Variants in SEC31B observed in about 807,000 individuals in gnomAD.
SEC31B encodes the protein protein transport protein Sec31B.
SEC31B carries 113 observed loss-of-function variants against 135.0 expected under a neutral mutation model. The observed-to-expected ratio is 0.84, with a 90% CI of 0.72 to 0.98. SEC31B has a LOEUF of 0.98. Among genes scored for constraint, SEC31B ranks in the 50% least tolerant of loss-of-function variants. The pLI, the probability that SEC31B is intolerant of heterozygous loss-of-function variation, is 0.00. For synonymous variants in SEC31B, 508 were observed against 549.4 expected (o/e 0.92, Z 1.05); for missense variants, 1,296 against 1,421.1 (o/e 0.91, Z 1.42).
rs796238046 is a variant in SEC31B, at chr10:100,508,607, AC to A, written c.495+399del. On this transcript the variant is annotated intron_variant, in intron 5 of 25. Transcript: ENST00000370345. ...GCCACATACAGGGAGAACAAAGCTG[AC>A]CCCCCCCTCCATAAAAAGGACAATG... 86 of 415,908 alleles carry A rather than the reference AC, an allele frequency of 2.1e-4. 1 individual carries two copies. Among genetic ancestry groups the A allele is most frequent in the Admixed American group, 1.0e-3 (32 of 31,972 alleles). The allele number at this position is 415,908 out of a possible 1,614,324, so 25.8% of individuals were successfully genotyped here.
chr10:100,499,592 A>C lies in SEC31B; in HGVS notation c.1417T>G (p.Leu473Val). The change falls in exon 12 of 26, where the codon TTA becomes GTA. Residue 473 changes from leucine to valine, a missense_variant. Leu to Val is a conservative substitution (Grantham distance 32, BLOSUM62 1). Transcript: ENST00000370345. ...KMLWQFLKVT[L>V]EQDSRMKFLK... ...AATTTCATTCTGGAGTCTTGCTCTA[A>C]GGTCACCTAAGAAACCACAGAACAC... is the stretch of plus-strand genomic sequence containing the variant. 6.2e-7 allele frequency: 1 copy of C among 1,607,050 alleles called. No individual in the cohort carries two copies. The highest frequency in any genetic ancestry group is 1.1e-5 in the South Asian group (1 of 89,778).
At chr10:100,497,907 G>A in intron 15 of SEC31B, 114 bp from the exon 16 acceptor site, 1 of 1,585,126 alleles carries the variant, frequency 6.3e-7, no homozygotes, top group South Asian at 1.1e-5. Flanking sequence ...ATGAGGTGGG[G>A]GTGGTTAGAG....
intron 10 of SEC31B, 88 bp downstream of exon 10, chr10:100,505,273 A>G (rs1306032149): frequency 1.0e-5 from 16 of 1,536,068 alleles, no homozygotes; most frequent in Non-Finnish European, 1.4e-5. Flanking sequence ...ACTTAGCTCC[A>G]TGCTGGGCAC....
intron 13 of SEC31B, 87 bp from the exon 14 acceptor site, chr10:100,498,891 T>C: frequency 9.4e-7 from 1 of 1,065,016 alleles, no homozygotes; most frequent in Non-Finnish European, 1.4e-6. Context: ...AGCTCTACTA[T>C]TTGGCCGTTA....
At position 100,509,315 on chromosome 10, in the gene SEC31B, C is replaced by A. The variant is rs3763694; in HGVS notation, c.399+1G>T. 150 of 1,612,660 alleles carry A rather than the reference C, an allele frequency of 9.3e-5. No individual in the cohort carries two copies. The East Asian group carries it at 3.1e-3, about 33-fold the overall frequency. Reference sequence around the variant, plus strand: ...ATGTTTGACTAACTGAAATGTAGTACCTGGAAAGGATTCAAGTCGAGGGCT... The same window carrying A: ...ATGTTTGACTAACTGAAATGTAGTAACTGGAAAGGATTCAAGTCGAGGGCT... On this transcript the variant is annotated splice_donor_variant, in intron 4 of 25. Transcript: ENST00000370345. LOFTEE classifies it high-confidence loss of function.
At chr10:100,489,008 G>GTT in intron 23 of SEC31B, 34 bp from the exon 24 acceptor site, 1 of 1,572,000 alleles carries the variant, frequency 6.4e-7, no homozygotes, top group Non-Finnish European at 8.6e-7. Context: ...AAGGCCAGAG[G>GTT]GGCAAGCTGT....
chr10:100,496,593 A>T (rs1412617884), intron 17 of SEC31B, among the ~76,000 whole-genome samples, 162 bp from the exon 18 acceptor site: 1 of 152,246 alleles, frequency 6.6e-6, no homozygotes, highest in African/African-American at 2.4e-5. Flanking sequence ...ACTGTGACAG[A>T]GAAGGGCCAC....
At chr10:100,493,655 G>C (rs1489092139) in intron 19 of SEC31B, among the ~76,000 whole-genome samples, 5 of 152,192 alleles carry the variant, frequency 3.3e-5, no homozygotes, top group African/African-American at 4.8e-5. Flanking sequence ...GAGTCTTGTG[G>C]TGATGGTAAA....
chr10:100,497,533 G>A (rs1332768638), intron 16 of SEC31B, 134 bp downstream of exon 16: 4 of 1,545,188 alleles, frequency 2.6e-6, no homozygotes, highest in South Asian at 1.3e-5. Context: ...TCCTGGCTGA[G>A]CCAGATTCTA....
At chr10:100,488,779 A>C in intron 24 of SEC31B, 79 bp downstream of exon 24, 21 of 1,483,698 alleles carry the variant, frequency 1.4e-5, no homozygotes, top group Non-Finnish European at 1.9e-5. Flanking sequence ...GAGTCACACA[A>C]GGAACTGGTC....
At position 100,497,215 on chromosome 10, in the gene SEC31B, AAC is replaced by A; in HGVS notation, c.2054_2055del (p.Cys685LeufsTer37). The stretch of plus-strand genomic sequence containing the variant: ...CGCTCCACACTCCCTGAGCACACAT[AAC>A]AGAGTCTGGCTTCGGAGGTTAGTGC... ...SRALTSEARL[C>X]YVCSGSVERL... On this transcript the variant is annotated frameshift_variant, in exon 17 of 26. Coordinates refer to ENST00000370345, the MANE Select transcript of SEC31B (RefSeq NM_015490.4). LOFTEE classifies it high-confidence loss of function. The A allele has an allele frequency of 6.2e-7, 1 of 1,614,192 alleles. No homozygotes were observed. The highest frequency in any genetic ancestry group is 8.5e-7 in the Non-Finnish European group (1 of 1,180,028).
chr10:100,509,177 A>T, intron 4 of SEC31B, 75 bp from the exon 5 acceptor site: 1 of 1,541,952 alleles, frequency 6.5e-7, no homozygotes, highest in Non-Finnish European at 8.9e-7. Context: ...AAGAAGCCCA[A>T]ATTTGGGGCT....
rs1160538315 is a variant in SEC31B at position 100,487,513 on chromosome 10, G to A, written c.*103C>T. ...ATCACATACCTGGCAGCAAGGAAAA[G>A]AGTCGGGAAAAAGAAACAGAATCTG... On this transcript the variant is annotated 3_prime_UTR_variant, in exon 26 of 26. Transcript: ENST00000370345. 8.8e-7 allele frequency: 1 copy of A among 1,138,530 alleles called. No individual in the cohort carries two copies. Among genetic ancestry groups the A allele is most frequent in the African/African-American group, 1.6e-5 (1 of 64,464 alleles). 70.5% of individuals were successfully genotyped at this position (1,138,530 alleles called of 1,614,324 possible).
chr10:100,510,884 C>A (rs201889966), intron 3 of SEC31B, among the ~76,000 whole-genome samples: 4 of 152,228 alleles, frequency 2.6e-5, no homozygotes, highest in South Asian at 4.1e-4. Flanking sequence ...TCCATACAGG[C>A]TGAAGAGGCT....
intron 24 of SEC31B, 120 bp downstream of exon 24, chr10:100,488,738 A>G (rs1433952420): frequency 7.5e-6 from 10 of 1,334,456 alleles, no homozygotes; most frequent in Non-Finnish European, 1.0e-5. Context: ...AGTACAAGAT[A>G]GAGACAGCAT....
At chr10:100,499,811 A>G (rs2273695) in intron 11 of SEC31B, among the ~76,000 whole-genome samples, 31,518 of 152,186 alleles carry the variant, frequency 0.21, 3,391 homozygotes, top group South Asian at 0.23. Flanking sequence ...TGCCCTTTGC[A>G]CATGAGAATT....
chr10:100,487,352 T>C lies in SEC31B; in HGVS notation c.*264A>G. ...TATCCTGCCCCAGGTCCTTACAGAG[T>C]GTAGTATTAGGGAGAGTGAAGAACT... On this transcript the variant is annotated 3_prime_UTR_variant, in exon 26 of 26. Coordinates refer to ENST00000370345, the MANE Select transcript of SEC31B (RefSeq NM_015490.4). 1 of 452,332 alleles carries C rather than the reference T, an allele frequency of 2.2e-6. No homozygotes were observed. The highest frequency in any genetic ancestry group is 4.0e-6 in the Non-Finnish European group (1 of 250,860). 28.0% of individuals were successfully genotyped at this position (452,332 alleles called of 1,614,324 possible).
At chr10:100,512,802 T>C (rs1296711549) in intron 3 of SEC31B, among the ~76,000 whole-genome samples, 1 of 152,212 alleles carries the variant, frequency 6.6e-6, no homozygotes, top group Non-Finnish European at 1.5e-5. Flanking sequence ...AGACTGAACA[T>C]GAAACCTGAA....
chr10:100,497,434 G>C, intron 16 of SEC31B, 154 bp from the exon 17 acceptor site: 1 of 1,480,302 alleles, frequency 6.8e-7, no homozygotes, highest in Non-Finnish European at 9.0e-7. Flanking sequence ...GAAGGGGAAA[G>C]TTCTCACATC....
Sources: gnomAD v4.1 joint callset for allele counts (sites outside exome capture counted in the v4.1 genomes callset) on GRCh38, gnomAD v4.1.1 for gene constraint, MANE v1.5 for transcripts, NCBI Gene and HGNC (gene_info 2026-07-23, HGNC 2026-07-21) for gene names.